IDO2: variants seen among roughly 807,000 people sequenced by gnomAD.
IDO2 encodes indoleamine 2,3-dioxygenase 2.
IDO2 carries 46 observed loss-of-function variants against 45.1 expected under a neutral mutation model. That is an observed-to-expected ratio of 1.02 (90% CI 0.80 to 1.30). The LOEUF (loss-of-function observed/expected upper bound fraction) is 1.30, where lower values mean the gene tolerates loss of function less well. Among genes scored for constraint, IDO2 ranks in the 50% most tolerant of loss-of-function variants. The pLI is 0.00. For missense variants in IDO2, 544 were observed against 491.8 expected (o/e 1.11, Z -1.00); for synonymous variants, 218 against 184.9 (o/e 1.18, Z -1.45).
chr8:39,995,266 T>TTCTC (rs1802022086), intron 8 of IDO2: 8 of 76,324 alleles, frequency 1.0e-4, no homozygotes, highest in South Asian at 4.4e-4. Context: ...TTCTTCTTCC[T>TTCTC]CTTCTTCTTC....
chr8:39,979,066 G>GA lies in IDO2; in HGVS notation c.196dup (p.Met66AsnfsTer158). 6.3e-7 allele frequency: 1 copy of GA among 1,577,656 alleles called. No individual in the cohort carries two copies. Among genetic ancestry groups the GA allele is most frequent in the East Asian group, 2.3e-5 (1 of 43,012 alleles). ...GACGGCATTTGGACTTTCATGAACA[G>GA]ATGCCCCTGCTGAGCTGCCAGTTCC... On this transcript the variant is annotated frameshift_variant and splice_region_variant. Coordinates refer to ENST00000502986, the Ensembl canonical transcript of IDO2. LOFTEE classifies it high-confidence loss of function.
At chr8:39,979,614 C>G (rs2543065) in intron 4 of IDO2, among the ~76,000 whole-genome samples, 125,421 of 152,188 alleles carry the variant, frequency 0.82, 52,071 homozygotes, top group African/African-American at 0.91. Flanking sequence ...GGGCTTCCCA[C>G]AGTGCTGGGA....
intron 5 of IDO2, among the ~76,000 whole-genome samples, chr8:39,983,522 A>G (rs1042280942): frequency 2.8e-4 from 42 of 152,156 alleles, no homozygotes; most frequent in African/African-American, 9.4e-4. Context: ...ATGGGAATCT[A>G]CTTAAAAGGG....
In IDO2 at chr8:39,946,143, C is replaced by A. The variant is rs148797474; in HGVS notation, c.-17-3006C>A. 2.5e-4 allele frequency among the ~76,000 whole-genome samples: 38 copies of A among 152,324 alleles called. No homozygotes were observed. In the East Asian group the frequency reaches 7.1e-3, roughly 29 times the overall value. Reference sequence around the variant, plus strand: ...CTTGAGATATTTTGCAGACCCTGTACTTGATGGATCAGGTGGCACCACCCA... The same window carrying A: ...CTTGAGATATTTTGCAGACCCTGTAATTGATGGATCAGGTGGCACCACCCA... On this transcript the variant is annotated intron_variant, in intron 1 of 10. Coordinates refer to ENST00000502986, the Ensembl canonical transcript of IDO2.
exon 11 of IDO2, chr8:40,015,431 C>G: frequency 6.2e-7 from 1 of 1,613,948 alleles, no homozygotes; most frequent in Non-Finnish European, 8.5e-7. Context: ...TCACCATGGT[C>G]ACCAAATACC....
intron 1 of IDO2, among the ~76,000 whole-genome samples, chr8:39,936,347 A>G (rs2129592797): frequency 6.6e-6 from 1 of 152,316 alleles, no homozygotes; most frequent in Non-Finnish European, 1.5e-5. Flanking sequence ...ATGTGTGAGA[A>G]ATCTTACACA....
chr8:39,964,006 G>A (rs542937733), intron 3 of IDO2, among the ~76,000 whole-genome samples: 39 of 152,264 alleles, frequency 2.6e-4, no homozygotes, highest in South Asian at 2.1e-4. Context: ...ACAAGGTATC[G>A]CCTAAGAAGG....
At chr8:39,955,143 A>G (rs1039132515) in intron 2 of IDO2, among the ~76,000 whole-genome samples, 14 of 150,690 alleles carry the variant, frequency 9.3e-5, no homozygotes, top group African/African-American at 3.4e-4. Flanking sequence ...AATTTAGCAC[A>G]TAGCAGAAAA....
intron 1 of IDO2, among the ~76,000 whole-genome samples, chr8:39,945,828 C>T (rs913682753): frequency 4.6e-5 from 7 of 152,116 alleles, no homozygotes; most frequent in Non-Finnish European, 1.0e-4. Context: ...ACTGAGACAG[C>T]GAAAGAGATC....
At chr8:40,011,964 T>C (rs1802316697) in intron 9 of IDO2, among the ~76,000 whole-genome samples, 2 of 152,210 alleles carry the variant, frequency 1.3e-5, no homozygotes, top group East Asian at 1.9e-4. Flanking sequence ...GCATCTCTTT[T>C]CAGAGTGATG....
At chr8:39,958,329 G>A (rs1317986341) in intron 2 of IDO2, among the ~76,000 whole-genome samples, 1 of 110,234 alleles carries the variant, frequency 9.1e-6, no homozygotes, top group Non-Finnish European at 2.0e-5. Flanking sequence ...TGCCTCCCAG[G>A]TTCAGGCGAT....
chr8:39,955,651 G>C (rs545085626), intron 2 of IDO2, among the ~76,000 whole-genome samples: 1 of 151,876 alleles, frequency 6.6e-6, no homozygotes, highest in African/African-American at 2.4e-5. Context: ...GCTTAGACTC[G>C]AATCTACCCA....
intron 4 of IDO2, among the ~76,000 whole-genome samples, chr8:39,981,879 A>G (rs953238479): frequency 1.3e-5 from 2 of 152,148 alleles, no homozygotes; most frequent in East Asian, 3.9e-4. Context: ...GCTTTTCTGG[A>G]CTTCTGGCTG....
chr8:39,987,954 C>T (rs1808449296), exon 7 of IDO2: 5 of 1,604,328 alleles, frequency 3.1e-6, no homozygotes, highest in Non-Finnish European at 4.3e-6. Context: ...GAGAAAGAAG[C>T]AGTGCCTGGG....
At chr8:39,943,241 C>T (rs541161373) in intron 1 of IDO2, among the ~76,000 whole-genome samples, 153 of 152,022 alleles carry the variant, frequency 1.0e-3, no homozygotes, top group Non-Finnish European at 1.9e-3. Context: ...TGTGGTGGTA[C>T]AAGCCTGTAA....
exon 11 of IDO2, chr8:40,015,252 T>C: frequency 6.3e-7 from 1 of 1,589,876 alleles, no homozygotes; most frequent in Non-Finnish European, 8.6e-7. Flanking sequence ...TTCAGGTGAC[T>C]TTCTGTACAG....
At chr8:39,975,031 C>T (rs1419871232) in intron 3 of IDO2, among the ~76,000 whole-genome samples, 2 of 151,998 alleles carry the variant, frequency 1.3e-5, no homozygotes, top group South Asian at 2.1e-4. Context: ...ATCACTTGAA[C>T]CCAGGAGGCA....
At position 39,947,584 on chromosome 8, in the gene IDO2, A is replaced by G. The variant is rs192742290; in HGVS notation, c.-17-1565A>G. Among the ~76,000 whole-genome samples, 293 of 152,276 alleles carry G rather than the reference A, an allele frequency of 1.9e-3. 2 individuals carry two copies. The highest frequency in any genetic ancestry group is 6.4e-3 in the African/African-American group (267 of 41,558). ...TTAAAAAGTTCTAAGTTGCTAGCCA[A>G]TTGGGACAAATACAGAATGTAAGGT... is the stretch of plus-strand genomic sequence containing the variant. On this transcript the variant is annotated intron_variant, in intron 1 of 10. Transcript: ENST00000502986.
chr8:39,999,382 G>A (rs2981142), intron 8 of IDO2, among the ~76,000 whole-genome samples: 8,489 of 149,090 alleles, frequency 0.057, 278 homozygotes, highest in Middle Eastern at 0.13. Flanking sequence ...CGGTTCAAGC[G>A]ATTCTCCTGC....
Sources: allele counts gnomAD v4.1 joint callset (sites outside exome capture counted in the v4.1 genomes callset), GRCh38; gene constraint gnomAD v4.1.1; transcripts MANE v1.5; gene names NCBI Gene and HGNC (gene_info 2026-07-23, HGNC 2026-07-21).